The following PTPN21 variants were observed in gnomAD, a reference collection of about 807,000 sequenced individuals.
The protein encoded by PTPN21 is protein tyrosine phosphatase non-receptor type 21.
Under a neutral mutation model 131.8 loss-of-function variants are expected in PTPN21, and 77 were observed. The ratio of observed to expected loss-of-function variants is 0.58; its 90% CI spans 0.49 to 0.71. PTPN21 has a LOEUF of 0.71. Ranked by LOEUF, PTPN21 falls within the 30% of genes least tolerant of loss-of-function variation. PTPN21 has a pLI of 0.00. For synonymous variants in PTPN21, 715 were observed against 621.3 expected (o/e 1.15, Z -2.24); for missense variants, 1,552 against 1,527.1 (o/e 1.02, Z -0.27).
Position 88,480,044 on chromosome 14 carries a change from C to T in PTPN21, c.1387G>A (p.Val463Met), listed in dbSNP as rs201315606. 94 of 1,613,930 alleles carry T rather than the reference C, an allele frequency of 5.8e-5. No homozygotes were observed. The highest frequency in any genetic ancestry group is 7.6e-5 in the Non-Finnish European group (90 of 1,180,056). Residue 463 changes from valine to methionine, a missense_variant, in exon 13 of 19, where the codon GTG becomes ATG. Val to Met is a conservative substitution (Grantham distance 21). Transcript: ENST00000556564. ...GAGTGGCTCTGCCGTTCCGCATGCA[C>T]CAGGCCCCTGTTGAGCTGCTTCATC... ...TVMKQLNRGLVHAERQSHSLR... is the reference protein window; with the variant it reads ...TVMKQLNRGLMHAERQSHSLR...
rs2077868746 is a variant in PTPN21, at chr14:88,494,242, C to T, written c.932+2171G>A. ...CCTGGGAAAAGAGCAAGGACAGCATCCCCTAGGGTGAGGCACATCTGCAGC... is the reference window on the plus strand; with the variant it reads ...CCTGGGAAAAGAGCAAGGACAGCATTCCCTAGGGTGAGGCACATCTGCAGC... On this transcript the variant is annotated intron_variant, in intron 10 of 18. Coordinates refer to ENST00000556564, the MANE Select transcript of PTPN21 (RefSeq NM_007039.4). Among the ~76,000 whole-genome samples, 8 of 152,216 alleles carry T rather than the reference C, an allele frequency of 5.3e-5. No homozygotes were observed. The South Asian group carries it at 1.5e-3, about 28-fold the overall frequency.
At chr14:88,546,298 C>T (rs2078778441) in intron 2 of PTPN21, among the ~76,000 whole-genome samples, 1 of 151,824 alleles carries the variant, frequency 6.6e-6, no homozygotes, top group African/African-American at 2.4e-5. Flanking sequence ...TGGCTCACTC[C>T]TGTAATCCCA....
At chr14:88,531,847 T>G (rs1051373365) in intron 2 of PTPN21, among the ~76,000 whole-genome samples, 2 of 151,938 alleles carry the variant, frequency 1.3e-5, no homozygotes, top group African/African-American at 4.8e-5. Flanking sequence ...TAAACAAAAT[T>G]GATTGACCAT....
intron 2 of PTPN21, among the ~76,000 whole-genome samples, chr14:88,529,013 G>A (rs918295031): frequency 6.6e-6 from 1 of 152,126 alleles, no homozygotes; most frequent in Non-Finnish European, 1.5e-5. Flanking sequence ...GCAGTACTAC[G>A]TTGAAGAGAA....
At chr14:88,485,045 T>C (rs372607631) in intron 12 of PTPN21, 31 bp downstream of exon 12, 29 of 1,512,394 alleles carry the variant, frequency 1.9e-5, no homozygotes, top group Admixed American at 8.4e-5. Flanking sequence ...GTCATAACTA[T>C]GTAAGGCATG....
intron 10 of PTPN21, among the ~76,000 whole-genome samples, chr14:88,495,288 A>G (rs2077893285): frequency 6.6e-6 from 1 of 152,182 alleles, no homozygotes; most frequent in African/African-American, 2.4e-5. Flanking sequence ...TACAGGCAGT[A>G]GTATATATTC....
chr14:88,485,677 AC>A, intron 11 of PTPN21, 104 bp downstream of exon 11: 1 of 774,180 alleles, frequency 1.3e-6, no homozygotes, highest in Non-Finnish European at 2.1e-6. Context: ...AAATATCAAT[AC>A]ACTTTTATGG....
chr14:88,508,021 C>A lies in PTPN21; in HGVS notation c.351-1G>T. 1 of 1,538,750 alleles carries A rather than the reference C, an allele frequency of 6.5e-7. No individual in the cohort carries two copies. The highest frequency in any genetic ancestry group is 8.9e-7 in the Non-Finnish European group (1 of 1,119,436). Reference sequence around the variant, plus strand: ...CTTCAGTTGCAGATAATACTGATACCTATAAAAAATGTCAGTTGTATAAGG... The same window carrying A: ...CTTCAGTTGCAGATAATACTGATACATATAAAAAATGTCAGTTGTATAAGG... On this transcript the variant is annotated splice_acceptor_variant, in intron 3 of 18. Transcript: ENST00000556564. LOFTEE classifies it high-confidence loss of function.
chr14:88,486,080 C>T (rs1397052255), intron 10 of PTPN21, among the ~76,000 whole-genome samples: 1 of 152,184 alleles, frequency 6.6e-6, no homozygotes, highest in Non-Finnish European at 1.5e-5. Context: ...CACACAGCAT[C>T]ATCGCCTGGA....
intron 8 of PTPN21, among the ~76,000 whole-genome samples, chr14:88,497,562 G>C (rs1266768262): frequency 6.6e-6 from 1 of 151,798 alleles, no homozygotes; most frequent in Non-Finnish European, 1.5e-5. Flanking sequence ...GAGGTCAGGA[G>C]ATGGAGACCA....
chr14:88,536,446 T>C (rs1374849968), intron 2 of PTPN21, among the ~76,000 whole-genome samples: 2 of 152,248 alleles, frequency 1.3e-5, no homozygotes, highest in South Asian at 2.1e-4. Context: ...TGAACTGATG[T>C]TGACTGAGAA....
In PTPN21 at chr14:88,479,489, C is replaced by A. The variant is rs747390835; in HGVS notation, c.1942G>T (p.Glu648Ter). 2 of 1,601,588 alleles carry A rather than the reference C, an allele frequency of 1.2e-6. No homozygotes were observed. Among genetic ancestry groups the A allele is most frequent in the Non-Finnish European group, 1.7e-6 (2 of 1,179,160 alleles). The change falls in exon 13 of 19, where the codon GAG becomes TAG. Residue 648 changes from glutamate to a stop codon, truncating the protein, a stop_gained. Transcript: ENST00000556564. LOFTEE classifies it high-confidence loss of function. ...IEVAGLSHGL[E>*]GLRLKERTLS... ...GTGCGCTCCTTGAGCCGCAGGCCCT[C>A]CAGGCCGTGGCTGAGCCCGGCCACC...
At chr14:88,520,656 G>A (rs2078375393) in intron 2 of PTPN21, among the ~76,000 whole-genome samples, 1 of 152,202 alleles carries the variant, frequency 6.6e-6, no homozygotes, top group African/African-American at 2.4e-5. Flanking sequence ...TTAATAGAAA[G>A]AGCTTGATGC....
chr14:88,503,451 A>T (rs913129870), intron 6 of PTPN21, among the ~76,000 whole-genome samples: 4 of 152,218 alleles, frequency 2.6e-5, no homozygotes, highest in Admixed American at 2.0e-4. Flanking sequence ...TCCTCAACTT[A>T]CGATGATGGT....
intron 2 of PTPN21, 25 bp from the exon 3 acceptor site, chr14:88,517,286 G>A (rs751047160): frequency 1.9e-5 from 31 of 1,609,740 alleles, no homozygotes; most frequent in Non-Finnish European, 2.4e-5. Flanking sequence ...GGTCATTGAA[G>A]GAGGCAATAA....
intron 3 of PTPN21, among the ~76,000 whole-genome samples, chr14:88,512,015 C>T (rs566424547): frequency 4.6e-4 from 70 of 152,212 alleles, no homozygotes; most frequent in Middle Eastern, 3.4e-3. Context: ...GTGTAGGCAT[C>T]GGCATTTTTA....
intron 2 of PTPN21, among the ~76,000 whole-genome samples, chr14:88,543,807 C>G (rs1037041162): frequency 2.6e-5 from 4 of 152,172 alleles, no homozygotes; most frequent in Non-Finnish European, 5.9e-5. Flanking sequence ...ACAAAATACC[C>G]TGGAGGTAAT....
In PTPN21 at chr14:88,469,305, G is replaced by C. The variant is rs1056900809; in HGVS notation, c.3235+194C>G. ...TGACGGAGATACTGAGTCAGCTGTGGCATTCTACTCACTACCAAATCATAA... is the reference window on the plus strand; with the variant it reads ...TGACGGAGATACTGAGTCAGCTGTGCCATTCTACTCACTACCAAATCATAA... On this transcript the variant is annotated intron_variant, in intron 17 of 18. Transcript: ENST00000556564. This position sits in a 1 kb window ranked among gnomAD's most constrained non-coding sequence, Gnocchi z 4.3. Among the ~76,000 whole-genome samples the C allele has an allele frequency of 3.9e-5, 6 of 152,108 alleles. No homozygotes were observed. Among genetic ancestry groups the C allele is most frequent in the Admixed American group, 2.0e-4 (3 of 15,266 alleles).
intron 3 of PTPN21, among the ~76,000 whole-genome samples, chr14:88,508,562 G>A (rs1002527090): frequency 1.3e-5 from 2 of 152,040 alleles, no homozygotes; most frequent in African/African-American, 2.4e-5. Context: ...AAATTAAAAC[G>A]ATCCTATAAG....
Sources: gnomAD v4.1 joint callset for allele counts (sites outside exome capture counted in the v4.1 genomes callset) on GRCh38, gnomAD v4.1.1 for gene constraint, Gnocchi (gnomAD v3.1) non-coding constraint, MANE v1.5 for transcripts, NCBI Gene and HGNC (gene_info 2026-07-23, HGNC 2026-07-21) for gene names.